The following TASP1 variants were observed in gnomAD, a reference collection of about 807,000 sequenced individuals.
TASP1 encodes threonine aspartase 1.
A neutral mutation model predicts 56.6 loss-of-function variants in TASP1; 16 were observed. The observed-to-expected ratio is 0.28, with a 90% CI of 0.19 to 0.43. The LOEUF is 0.43. TASP1 is among the 20% of genes least tolerant of loss of function. The pLI is 1.00. For missense variants in TASP1, 393 were observed against 511.6 expected, an observed-to-expected ratio of 0.77 and a Z score of 2.24; for synonymous variants, 179 against 184.2, an observed-to-expected ratio of 0.97 and a Z score of 0.23.
the TASP1 span, among the ~76,000 whole-genome samples, chr20:13,251,219 GT>G: frequency 6.6e-6 from 1 of 152,044 alleles, no homozygotes. Context: ...GATGTTGAAG[GT>G]TTTCACTTCC....
chr20:13,136,459 C>A, the TASP1 span, among the ~76,000 whole-genome samples: 2 of 151,406 alleles, frequency 1.3e-5, no homozygotes, highest in African/African-American at 2.4e-5. Context: ...AATTAGATGG[C>A]GGTGGTGGCA....
At chr20:13,468,866 T>TG (rs33923658) in intron 11 of TASP1, among the ~76,000 whole-genome samples, 36 of 46,462 alleles carry the variant, frequency 7.7e-4, no homozygotes, top group East Asian at 2.0e-3. Flanking sequence ...TGTGTGTGTG[T>TG]TTTTTTTTTT....
At chr20:13,347,954 C>T in the TASP1 span, among the ~76,000 whole-genome samples, 1 of 152,044 alleles carries the variant, frequency 6.6e-6, no homozygotes, top group African/African-American at 2.4e-5. Context: ...GTCAACAATT[C>T]AGTCACCTGA....
chr20:13,117,534 C>T, the TASP1 span: 1 of 1,605,830 alleles, frequency 6.2e-7, no homozygotes, highest in Non-Finnish European at 8.5e-7. Context: ...GCATCTGCCC[C>T]AGATCATAGC....
At chr20:13,459,552 T>C (rs142742016) in intron 11 of TASP1, among the ~76,000 whole-genome samples, 3 of 152,182 alleles carry the variant, frequency 2.0e-5, no homozygotes, top group Non-Finnish European at 4.4e-5. Context: ...ATGCTGACCA[T>C]GCCTTCTTTA....
the TASP1 span, among the ~76,000 whole-genome samples, chr20:13,356,218 G>C: frequency 6.6e-6 from 1 of 152,150 alleles, no homozygotes; most frequent in Non-Finnish European, 1.5e-5. Flanking sequence ...CATAATAAGA[G>C]GTTTTATGGC....
the TASP1 span, chr20:13,153,979 G>T: frequency 6.2e-7 from 1 of 1,611,054 alleles, no homozygotes; most frequent in Non-Finnish European, 8.5e-7. Flanking sequence ...GGAATTGATG[G>T]ATTTCACGCC....
chr20:13,408,208 C>A (rs762356451), intron 13 of TASP1, among the ~76,000 whole-genome samples: 1 of 151,974 alleles, frequency 6.6e-6, no homozygotes. Context: ...TATTTTGGTT[C>A]CTGATAAATT....
At chr20:13,636,140 C>CTTTTT (rs36048272) in intron 1 of TASP1, among the ~76,000 whole-genome samples, 4 of 98,018 alleles carry the variant, frequency 4.1e-5, no homozygotes, top group African/African-American at 4.4e-5. Context: ...TGTGTTGTTG[C>CTTTTT]TTTTTTTTTT....
chr20:13,375,330 G>A, the TASP1 span, among the ~76,000 whole-genome samples: 9 of 150,986 alleles, frequency 6.0e-5, no homozygotes, highest in African/African-American at 2.0e-4. Context: ...GAGAAAATGC[G>A]GTGTTTGGTT....
chr20:13,625,284 TA>T, intron 2 of TASP1, 32 bp from the exon 3 acceptor site: 1 of 1,561,158 alleles, frequency 6.4e-7, no homozygotes. Context: ...AGTTAATTAT[TA>T]AAATATCAAG....
At chr20:13,388,625 T>C (rs1214916690), downstream of TASP1, among the ~76,000 whole-genome samples, 1 of 152,216 alleles carries the variant, frequency 6.6e-6, no homozygotes, top group East Asian at 1.9e-4. Flanking sequence ...TAGTTTTATG[T>C]GATCCAATCC....
chr20:13,253,073 G>A, the TASP1 span, among the ~76,000 whole-genome samples: 25 of 152,330 alleles, frequency 1.6e-4, no homozygotes, highest in African/African-American at 6.0e-4. Flanking sequence ...CAGCGAGGGA[G>A]AAATCAGTTG....
the TASP1 span, chr20:13,222,011 C>G: frequency 9.0e-7 from 1 of 1,111,894 alleles, no homozygotes; most frequent in Non-Finnish European, 1.2e-6. Context: ...GGAGGCAGGT[C>G]CCCTGCCCCA....
chr20:13,478,429 A>G (rs1474283578), intron 11 of TASP1, among the ~76,000 whole-genome samples: 1 of 152,064 alleles, frequency 6.6e-6, no homozygotes, highest in African/African-American at 2.4e-5. Context: ...AGCAACATGG[A>G]TGGAGCTGGA....
the TASP1 span, among the ~76,000 whole-genome samples, chr20:13,120,531 T>G: frequency 1.3e-5 from 2 of 152,168 alleles, no homozygotes; most frequent in Non-Finnish European, 2.9e-5. Context: ...AACTCTCTTT[T>G]TAAGTGATGT....
chr20:13,467,275 C>A (rs1310435753), intron 11 of TASP1, among the ~76,000 whole-genome samples: 2 of 151,724 alleles, frequency 1.3e-5, no homozygotes, highest in Non-Finnish European at 1.5e-5. Context: ...ATATTGCAAC[C>A]CTTCATCCTA....
chr20:13,507,089 C>T (rs377437682), intron 10 of TASP1, among the ~76,000 whole-genome samples: 5 of 152,104 alleles, frequency 3.3e-5, no homozygotes, highest in African/African-American at 1.2e-4. Context: ...ACAAAATCAA[C>T]ATACAAAAAT....
chr20:13,377,747 C>A, the TASP1 span, among the ~76,000 whole-genome samples: 1 of 152,114 alleles, frequency 6.6e-6, no homozygotes, highest in South Asian at 2.1e-4. Flanking sequence ...GCCTCAATTT[C>A]AGAACTTGTT....
Sources: gnomAD v4.1 joint callset for allele counts (sites outside exome capture counted in the v4.1 genomes callset) on GRCh38, gnomAD v4.1.1 for gene constraint, MANE v1.5 for transcripts, NCBI Gene and HGNC (gene_info 2026-07-23, HGNC 2026-07-21) for gene names.